NOD1: variants seen among roughly 807,000 people sequenced by gnomAD.
NOD1 encodes the protein nucleotide-binding oligomerization domain-containing protein 1.
NOD1 carries 70 observed loss-of-function variants against 81.2 expected under a neutral mutation model. That is an observed-to-expected ratio of 0.86 (90% CI 0.71 to 1.05). NOD1 has a LOEUF of 1.05. NOD1 is among the 50% of genes least tolerant of loss of function. The probability of loss-of-function intolerance (pLI) is 0.00; values close to 1 mark genes in which losing one functional copy is unlikely to be tolerated. For missense variants in NOD1, 1,233 were observed against 1,228.0 expected (o/e 1.00, Z -0.06); for synonymous variants, 508 against 526.9 (o/e 0.96, Z 0.49).
chr7:30,438,100 A>G (rs1784542297), intron 9 of NOD1, among the ~76,000 whole-genome samples: 1 of 152,204 alleles, frequency 6.6e-6, no homozygotes, highest in African/African-American at 2.4e-5. Flanking sequence ...GACATTCCTG[A>G]AGACACAGTC....
At position 30,467,681 on chromosome 7, in the gene NOD1, T is replaced by G. The variant is rs907231117; in HGVS notation, c.-351-7640A>C. On this transcript the variant is annotated intron_variant, in intron 1 of 13. Coordinates refer to ENST00000222823, the MANE Select transcript of NOD1 (RefSeq NM_006092.4). This position sits in a 1 kb window ranked among gnomAD's most constrained non-coding sequence, Gnocchi z 4.5. ...GGGATTGTGGGTGGGAACAGTTTTT[T>G]TTGTTGTTGTTGTTATTTTTGTTTG... 1.8e-4 allele frequency among the ~76,000 whole-genome samples: 28 copies of G among 152,152 alleles called. No homozygotes were observed. The highest frequency in any genetic ancestry group is 3.2e-4 in the Non-Finnish European group (22 of 68,030).
chr7:30,448,482 T>A (rs1785349744), intron 6 of NOD1, 101 bp from the exon 7 acceptor site: 1 of 1,012,788 alleles, frequency 9.9e-7, no homozygotes, highest in Non-Finnish European at 1.6e-6. Flanking sequence ...CCTGGAGTTT[T>A]CTCAGGTATA....
At chr7:30,446,261 T>C in intron 8 of NOD1, 37 bp from the exon 9 acceptor site, 1 of 1,511,264 alleles carries the variant, frequency 6.6e-7, no homozygotes, top group Middle Eastern at 1.7e-4. Context: ...CCTCCAGCTA[T>C]GCAGGGGCTC....
chr7:30,434,388 C>G (rs1425407151), intron 11 of NOD1, among the ~76,000 whole-genome samples: 1 of 152,200 alleles, frequency 6.6e-6, no homozygotes, highest in Admixed American at 6.5e-5. Context: ...TTGATCCTCA[C>G]CACTGGGAGG....
At chr7:30,428,010 C>T (rs1327635658) in intron 13 of NOD1, among the ~76,000 whole-genome samples, 2 of 152,218 alleles carry the variant, frequency 1.3e-5, no homozygotes, top group African/African-American at 4.8e-5. Context: ...GGCTGGGCTT[C>T]GCAGGCACAC....
chr7:30,474,194 C>G (rs146878262), intron 1 of NOD1, among the ~76,000 whole-genome samples: 86 of 152,358 alleles, frequency 5.6e-4, no homozygotes, highest in Middle Eastern at 3.4e-3. Flanking sequence ...GAAGGAAAGA[C>G]CAGCCCTGGA....
rs757115437 is a variant in NOD1, at chr7:30,452,247, C to T, written c.1170G>A (p.Val390=). The change falls in exon 6 of 14, where the codon GTG becomes GTA. Residue 390 remains valine (V), a synonymous_variant. Transcript: ENST00000222823. ...ANPNLCSLCS[V]PLFCWIIFRC... Reference sequence around the variant, plus strand: ...GGAAGATGATCCAGCAGAAGAGGGGCACAGAGCACAGGCTGCAGAGGTTGG... The same window carrying T: ...GGAAGATGATCCAGCAGAAGAGGGGTACAGAGCACAGGCTGCAGAGGTTGG... 5.0e-6 allele frequency: 8 copies of T among 1,613,734 alleles called. No homozygotes were observed. In the Admixed American group the frequency reaches 1.3e-4, roughly 27 times the overall value.
At chr7:30,439,668 G>A (rs1194591346) in intron 9 of NOD1, among the ~76,000 whole-genome samples, 2 of 98,574 alleles carry the variant, frequency 2.0e-5, no homozygotes, top group African/African-American at 9.8e-5. Context: ...AGGCGGCAAC[G>A]AGGCTGGGGG....
At chr7:30,427,237 A>T (rs1783534448) in intron 13 of NOD1, among the ~76,000 whole-genome samples, 1 of 152,192 alleles carries the variant, frequency 6.6e-6, no homozygotes, top group Admixed American at 6.5e-5. Flanking sequence ...GGAGTGGGAT[A>T]CATTTCTGTA....
chr7:30,464,682 CA>C (rs1216635061), intron 1 of NOD1, among the ~76,000 whole-genome samples: 1 of 152,198 alleles, frequency 6.6e-6, no homozygotes, highest in Non-Finnish European at 1.5e-5. Context: ...CTGTGGGGAA[CA>C]GGGGCACTCT....
Position 30,452,837 on chromosome 7 carries a change from G to A in NOD1, c.580C>T (p.Gln194Ter). The change falls in exon 6 of 14, where the codon CAG (glutamine) becomes TAG (stop). Residue 194 changes from glutamine to a stop codon, truncating the protein, a stop_gained. Coordinates refer to ENST00000222823, the MANE Select transcript of NOD1 (RefSeq NM_006092.4). LOFTEE classifies it high-confidence loss of function. ...LDHTTGILNE[Q>*]GETIFILGDA... Reference sequence around the variant, plus strand: ...CCCAGGATGAAGATGGTCTCACCCTGCTCATTGAGGATGCCGGTGGTGTGG... The same window carrying A: ...CCCAGGATGAAGATGGTCTCACCCTACTCATTGAGGATGCCGGTGGTGTGG... 2 of 1,614,142 alleles carry A rather than the reference G, an allele frequency of 1.2e-6. No homozygotes were observed. Among genetic ancestry groups the A allele is most frequent in the Admixed American group, 1.7e-5 (1 of 60,028 alleles).
chr7:30,453,975 AAC>A (rs1414627774), intron 5 of NOD1, among the ~76,000 whole-genome samples: 3 of 152,284 alleles, frequency 2.0e-5, no homozygotes, highest in Non-Finnish European at 4.4e-5. Flanking sequence ...TAACGGAACC[AAC>A]AGAGAAGTCT....
chr7:30,445,845 G>C (rs1785007813), intron 9 of NOD1, among the ~76,000 whole-genome samples: 1 of 149,460 alleles, frequency 6.7e-6, no homozygotes, highest in Non-Finnish European at 1.5e-5. Context: ...AGTGAAATCA[G>C]CCATCCCCAA....
At chr7:30,464,232 C>G (rs879329412) in intron 1 of NOD1, among the ~76,000 whole-genome samples, 42 of 152,340 alleles carry the variant, frequency 2.8e-4, no homozygotes, top group Admixed American at 2.7e-3. Flanking sequence ...GCCATGCCTG[C>G]CTGAACTGCT....
chr7:30,446,015 A>T, intron 9 of NOD1, 126 bp downstream of exon 9: 1 of 754,332 alleles, frequency 1.3e-6, no homozygotes, highest in Non-Finnish European at 2.3e-6. Context: ...AAAGCTCTCC[A>T]CTATCTCTCC....
chr7:30,446,288 C>T, intron 8 of NOD1, 64 bp from the exon 9 acceptor site: 1 of 1,200,244 alleles, frequency 8.3e-7, no homozygotes, highest in Non-Finnish European at 1.2e-6. Flanking sequence ...GGGTCACCCT[C>T]CTCCCCAGCA....
chr7:30,461,581 A>C (rs1230917731), intron 1 of NOD1, among the ~76,000 whole-genome samples: 2 of 152,246 alleles, frequency 1.3e-5, no homozygotes, highest in Admixed American at 6.5e-5. Flanking sequence ...GTTTGGATCA[A>C]CCACATTTCC....
At chr7:30,430,192 C>CCATGAAATAGTTCT (rs1783819458) in intron 12 of NOD1, among the ~76,000 whole-genome samples, 1 of 152,130 alleles carries the variant, frequency 6.6e-6, no homozygotes. Flanking sequence ...AGTTATGCTG[C>CCATGAAATAGTTCT]CATGAAATAG....
At chr7:30,475,058 G>C (rs1219828794) in intron 1 of NOD1, among the ~76,000 whole-genome samples, 1 of 152,182 alleles carries the variant, frequency 6.6e-6, no homozygotes, top group Non-Finnish European at 1.5e-5. Flanking sequence ...CTGGGCATGT[G>C]TTACAAGAAG....
Sources: allele counts gnomAD v4.1 joint callset (sites outside exome capture counted in the v4.1 genomes callset), GRCh38; gene constraint gnomAD v4.1.1; non-coding constraint Gnocchi (gnomAD v3.1); transcripts MANE v1.5; gene names NCBI Gene and HGNC (gene_info 2026-07-23, HGNC 2026-07-21).